The following PPP2R2B variants were observed in gnomAD, a reference collection of about 807,000 sequenced individuals.
PPP2R2B encodes protein phosphatase 2 regulatory subunit Bbeta.
A neutral mutation model predicts 46.0 loss-of-function variants in PPP2R2B; 5 were observed. The observed-to-expected ratio is 0.11, with a 90% confidence interval of 0.06 to 0.23. The LOEUF (loss-of-function observed/expected upper bound fraction) is 0.23. Ranked by LOEUF, PPP2R2B falls within the 10% of genes least tolerant of loss-of-function variation. PPP2R2B has a pLI of 1.00. For synonymous variants in PPP2R2B, 215 were observed against 206.7 expected (o/e 1.04, Z -0.34); for missense variants, 367 against 575.0 (o/e 0.64, Z 3.70).
At chr5:146,996,025 G>A (rs138667991) in intron 1 of PPP2R2B, among the ~76,000 whole-genome samples, 149 of 152,318 alleles carry the variant, frequency 9.8e-4, no homozygotes, top group African/African-American at 3.3e-3. Flanking sequence ...ATTTTTGTGA[G>A]TGGTTGGGCA....
At chr5:146,893,052 T>C (rs1390108958) in intron 1 of PPP2R2B, among the ~76,000 whole-genome samples, 2 of 152,188 alleles carry the variant, frequency 1.3e-5, no homozygotes, top group Admixed American at 6.5e-5. Flanking sequence ...TGAAGAACTC[T>C]GAGCTCTGCA....
At chr5:146,984,137 A>G (rs1429308223) in intron 1 of PPP2R2B, among the ~76,000 whole-genome samples, 2 of 152,180 alleles carry the variant, frequency 1.3e-5, no homozygotes, top group Admixed American at 1.3e-4. Flanking sequence ...TTTACAATAC[A>G]TTATTAACTA....
At chr5:146,824,684 A>G (rs535615211) in intron 2 of PPP2R2B, among the ~76,000 whole-genome samples, 1 of 152,124 alleles carries the variant, frequency 6.6e-6, no homozygotes, top group Admixed American at 6.6e-5. Flanking sequence ...ACTCTTCATA[A>G]TAATTAATTA....
At chr5:146,922,526 T>C (rs1429897992) in intron 1 of PPP2R2B, 1 of 152,204 alleles carries the variant, frequency 6.6e-6, no homozygotes, top group East Asian at 1.9e-4. Flanking sequence ...CATCCTAGAC[T>C]CCACAGCACA....
At chr5:146,761,305 A>G (rs1317614951) in intron 2 of PPP2R2B, among the ~76,000 whole-genome samples, 1 of 152,242 alleles carries the variant, frequency 6.6e-6, no homozygotes, top group Non-Finnish European at 1.5e-5. Flanking sequence ...AAAATGTGGC[A>G]CATATACACC....
chr5:146,866,813 C>T (rs1194490284), intron 2 of PPP2R2B, among the ~76,000 whole-genome samples: 1 of 152,164 alleles, frequency 6.6e-6, no homozygotes, highest in African/African-American at 2.4e-5. Flanking sequence ...ATCATAATTA[C>T]AGCAGAAGTC....
At chr5:147,059,756 G>A (rs183350206), upstream of PPP2R2B, among the ~76,000 whole-genome samples, 175 of 152,270 alleles carry the variant, frequency 1.1e-3, no homozygotes, top group African/African-American at 4.1e-3. Flanking sequence ...TCTGAACTAG[G>A]CTGCTCTAAG....
intron 5 of PPP2R2B, among the ~76,000 whole-genome samples, chr5:146,685,810 T>C (rs1428519428): frequency 6.6e-6 from 1 of 152,180 alleles, no homozygotes; most frequent in African/African-American, 2.4e-5. Context: ...TGTCATTTGA[T>C]CTTTCCTTTA....
At chr5:147,002,865 T>C (rs1754243904) in intron 1 of PPP2R2B, among the ~76,000 whole-genome samples, 1 of 151,968 alleles carries the variant, frequency 6.6e-6, no homozygotes, top group African/African-American at 2.4e-5. Flanking sequence ...CTGCAGGTGG[T>C]TTTGTCTTTC....
chr5:146,788,833 C>T lies in PPP2R2B; in HGVS notation c.71-87691G>A, dbSNP rs184694314. On this transcript the variant is annotated intron_variant, in intron 2 of 9. Transcript: ENST00000394411. ...CAACAACAGAAACAAAACTCTCTGC[C>T]TTGGGGTTTTGACTCACACAGACCT... Among the ~76,000 whole-genome samples the T allele has an allele frequency of 4.6e-5, 7 of 152,264 alleles. No individual in the cohort carries two copies. The East Asian group carries it at 1.4e-3, about 29-fold the overall frequency.
intron 7 of PPP2R2B, among the ~76,000 whole-genome samples, chr5:146,632,065 C>CA: frequency 8.2e-6 from 1 of 121,514 alleles, no homozygotes; most frequent in East Asian, 3.0e-4. Context: ...AGTTGTGCCC[C>CA]CCCCCCCGCC....
intron 2 of PPP2R2B, among the ~76,000 whole-genome samples, chr5:146,788,815 A>G (rs772449031): frequency 9.9e-5 from 15 of 152,214 alleles, no homozygotes; most frequent in Non-Finnish European, 2.2e-4. Context: ...CTGCAACAAC[A>G]GAAACAAAAC....
intron 5 of PPP2R2B, among the ~76,000 whole-genome samples, chr5:146,651,213 G>T (rs980203095): frequency 6.6e-6 from 1 of 152,056 alleles, no homozygotes; most frequent in African/African-American, 2.4e-5. Context: ...ATCCTTAAGG[G>T]CATTTTGGGA....
intron 2 of PPP2R2B, chr5:146,707,318 T>C: frequency 9.0e-7 from 1 of 1,115,780 alleles, no homozygotes; most frequent in East Asian, 2.3e-5. Flanking sequence ...AACTTGTTGT[T>C]GAAGGTCTTG....
At chr5:146,961,636 G>C (rs1752176467) in intron 1 of PPP2R2B, among the ~76,000 whole-genome samples, 1 of 151,836 alleles carries the variant, frequency 6.6e-6, no homozygotes, top group African/African-American at 2.4e-5. Flanking sequence ...TATTTGTTTG[G>C]TGATGCCTTT....
At chr5:146,995,000 G>A (rs1316831760) in intron 1 of PPP2R2B, among the ~76,000 whole-genome samples, 2 of 152,186 alleles carry the variant, frequency 1.3e-5, no homozygotes, top group Non-Finnish European at 1.5e-5. Flanking sequence ...TGAGGTGGGT[G>A]CAGAAGAGAC....
chr5:146,631,747 C>T (rs1774436884), intron 7 of PPP2R2B, among the ~76,000 whole-genome samples: 1 of 152,232 alleles, frequency 6.6e-6, no homozygotes, highest in African/African-American at 2.4e-5. Flanking sequence ...ACACGGACAA[C>T]CTGCCTGGTG....
chr5:146,809,421 G>A (rs1255227607), intron 2 of PPP2R2B, among the ~76,000 whole-genome samples: 1 of 151,964 alleles, frequency 6.6e-6, no homozygotes, highest in African/African-American at 2.4e-5. Context: ...CAATGAGGAA[G>A]GTAGGTATTT....
intron 6 of PPP2R2B, among the ~76,000 whole-genome samples, chr5:146,644,156 A>G (rs1446109949): frequency 6.6e-6 from 1 of 151,694 alleles, no homozygotes; most frequent in East Asian, 1.9e-4. Context: ...TTTGTATTAA[A>G]AATAATATCA....
Sources: gnomAD v4.1 joint callset for allele counts (sites outside exome capture counted in the v4.1 genomes callset) on GRCh38, gnomAD v4.1.1 for gene constraint, MANE v1.5 for transcripts, NCBI Gene and HGNC (gene_info 2026-07-23, HGNC 2026-07-21) for gene names.